LPA: variants seen among roughly 807,000 people sequenced by gnomAD.
LPA encodes apolipoprotein(a).
Under a neutral mutation model 197.9 loss-of-function variants are expected in LPA, and 199 were observed. The ratio of observed to expected loss-of-function variants is 1.01; its 90% CI spans 0.90 to 1.13. The LOEUF is 1.13. LPA is among the 50% of genes most tolerant of loss of function. The pLI, the probability that LPA is intolerant of heterozygous loss-of-function variation, is 0.00. For synonymous variants in LPA, 715 were observed against 639.5 expected, an observed-to-expected ratio of 1.12 and a Z score of -1.78; for missense variants, 1,853 against 1,785.8, an observed-to-expected ratio of 1.04 and a Z score of -0.68.
intron 28 of LPA, among the ~76,000 whole-genome samples, chr6:160,564,454 G>C (rs1416831396): frequency 6.6e-6 from 1 of 151,962 alleles, no homozygotes; most frequent in African/African-American, 2.4e-5. Context: ...CTTCAGTTTT[G>C]GAATTCAGAC....
At chr6:160,558,280 C>T (rs1479836244) in intron 28 of LPA, among the ~76,000 whole-genome samples, 1 of 152,054 alleles carries the variant, frequency 6.6e-6, no homozygotes, top group Non-Finnish European at 1.5e-5. Flanking sequence ...GTGTCTCTCT[C>T]TAGGACTCTG....
At chr6:160,611,131 T>G (rs1423406468) in intron 16 of LPA, among the ~76,000 whole-genome samples, 1 of 152,082 alleles carries the variant, frequency 6.6e-6, no homozygotes, top group East Asian at 1.9e-4. Flanking sequence ...AACAGATCAA[T>G]TCACCTGTCC....
intron 37 of LPA, among the ~76,000 whole-genome samples, chr6:160,537,112 A>G (rs932180805): frequency 2.0e-5 from 3 of 152,194 alleles, no homozygotes; most frequent in Non-Finnish European, 4.4e-5. Flanking sequence ...TGAGACTTTA[A>G]GACAGTTTCA....
chr6:160,602,901 C>T (rs868268653), intron 18 of LPA, among the ~76,000 whole-genome samples: 1 of 151,910 alleles, frequency 6.6e-6, no homozygotes, highest in Non-Finnish European at 1.5e-5. Context: ...CAAGACACAG[C>T]TCTTTTTCCT....
At chr6:160,578,910 T>C (rs191430133) in intron 26 of LPA, among the ~76,000 whole-genome samples, 1 of 152,316 alleles carries the variant, frequency 6.6e-6, no homozygotes, top group Admixed American at 6.5e-5. Context: ...TAATTTTTGT[T>C]TTAAAACATC....
chr6:160,567,537 A>C (rs1237305439), intron 28 of LPA, among the ~76,000 whole-genome samples: 1 of 152,236 alleles, frequency 6.6e-6, no homozygotes, highest in Non-Finnish European at 1.5e-5. Context: ...CCACAAGAGA[A>C]AGCAGGAAAG....
At chr6:160,544,941 G>C (rs41264862) in intron 33 of LPA, among the ~76,000 whole-genome samples, 40 of 152,254 alleles carry the variant, frequency 2.6e-4, no homozygotes, top group African/African-American at 9.1e-4. Context: ...AATCTTACGA[G>C]AAAGGCCATC....
rs1013887350 is a variant in LPA at position 160,560,379 on chromosome 6, T to C, written c.4632-2808A>G. On this transcript the variant is annotated intron_variant, in intron 28 of 38. Coordinates refer to ENST00000316300, the MANE Select transcript of LPA (RefSeq NM_005577.4). ...GGAATCACCGCACTGTCTTCCACAA[T>C]GGTTGAACTAATTTACACTCCCACC... 2.0e-5 allele frequency among the ~76,000 whole-genome samples: 3 copies of C among 152,234 alleles called. No homozygotes were observed. In the South Asian group the frequency reaches 6.2e-4, roughly 31 times the overall value.
At chr6:160,590,604 G>T (rs778170652) in intron 23 of LPA, among the ~76,000 whole-genome samples, 4 of 152,180 alleles carry the variant, frequency 2.6e-5, no homozygotes, top group South Asian at 2.1e-4. Context: ...ACCAGGAAAG[G>T]CTCATGATGA....
At chr6:160,607,199 G>C (rs1245386868) in intron 16 of LPA, among the ~76,000 whole-genome samples, 4 of 152,008 alleles carry the variant, frequency 2.6e-5, no homozygotes, top group Non-Finnish European at 5.9e-5. Flanking sequence ...CTCGCGAAAA[G>C]GCTCTACTTT....
chr6:160,599,381 G>T, intron 20 of LPA, 119 bp downstream of exon 20: 1 of 1,453,488 alleles, frequency 6.9e-7, no homozygotes, highest in Non-Finnish European at 9.6e-7. Flanking sequence ...TTGCTCACAG[G>T]AAATGTTCCT....
At chr6:160,553,952 T>TGTGTGTGTGTGTGC (rs1362760105) in intron 30 of LPA, among the ~76,000 whole-genome samples, 2 of 117,074 alleles carry the variant, frequency 1.7e-5, no homozygotes, top group African/African-American at 7.5e-5. Flanking sequence ...TGTGTGTGTG[T>TGTGTGTGTGTGTGC]GTGCGCGCGC....
At chr6:160,548,766 A>G in intron 30 of LPA, 107 bp from the exon 31 acceptor site, 1 of 1,152,750 alleles carries the variant, frequency 8.7e-7, no homozygotes, top group Non-Finnish European at 1.3e-6. Context: ...TGTCTTTGAA[A>G]TATTCCCATT....
chr6:160,584,252 CTCCTCCTCT>C lies in LPA; in HGVS notation c.4289+785_4289+793del, dbSNP rs1359930010. Among the ~76,000 whole-genome samples, 16 of 136,512 alleles carry C rather than the reference CTCCTCCTCT, an allele frequency of 1.2e-4. No individual in the cohort carries two copies. In the South Asian group the frequency reaches 2.0e-3, roughly 17 times the overall value. The allele number at this position is 136,512 out of a possible 152,430, so 89.6% of individuals were successfully genotyped here. A position where few individuals can be genotyped will look rare whatever the true frequency, so the allele number is the denominator to read the frequency against. ...CTTCTTCTTCTTCCTCCTCCTCCTCCTCCTCCTCTTCCTCTTCCTCTTCTTCTTCTTCTT... is the reference window on the plus strand; with the variant it reads ...CTTCTTCTTCTTCCTCCTCCTCCTCCTCCTCTTCCTCTTCTTCTTCTTCTT... On this transcript the variant is annotated intron_variant, in intron 26 of 38. Transcript: ENST00000316300.
At chr6:160,611,040 G>A (rs1447557935) in intron 16 of LPA, among the ~76,000 whole-genome samples, 1 of 151,994 alleles carries the variant, frequency 6.6e-6, no homozygotes, top group Non-Finnish European at 1.5e-5. Context: ...ATCTTCTCTT[G>A]CTGGGAACCT....
In LPA at chr6:160,600,974, C is replaced by T; in HGVS notation, c.3070G>A (p.Ala1024Thr). The change falls in exon 19 of 39, where the codon GCC (alanine) becomes ACC (threonine). Residue 1024 changes from alanine (A) to threonine (T), a missense_variant. Transcript: ENST00000316300. Reference sequence around the variant, plus strand: ...AGAATAACATTCGGAGGGACGAAGGCAGTCCATTCTGCATCTGAGCATCGT... The same window carrying T: ...AGAATAACATTCGGAGGGACGAAGGTAGTCCATTCTGCATCTGAGCATCGT... ...LTRCSDAEWT[A>T]FVPPNVILAP... 1 of 1,613,910 alleles carries T rather than the reference C, an allele frequency of 6.2e-7. No homozygotes were observed. The highest frequency in any genetic ancestry group is 8.5e-7 in the Non-Finnish European group (1 of 1,179,990).
At chr6:160,600,337 C>A (rs1249163862) in intron 19 of LPA, among the ~76,000 whole-genome samples, 2 of 152,138 alleles carry the variant, frequency 1.3e-5, no homozygotes, top group Non-Finnish European at 2.9e-5. Context: ...CAGAAAGAGG[C>A]AAAAGCACAC....
At chr6:160,542,944 T>C (rs1778005715) in intron 33 of LPA, 136 bp from the exon 34 acceptor site, 2 of 1,241,902 alleles carry the variant, frequency 1.6e-6, no homozygotes, top group East Asian at 2.4e-5. Flanking sequence ...TAAACACTCT[T>C]TAGATTTTTC....
At chr6:160,544,460 C>T (rs1205455744) in intron 33 of LPA, among the ~76,000 whole-genome samples, 1 of 152,138 alleles carries the variant, frequency 6.6e-6, no homozygotes, top group African/African-American at 2.4e-5. Flanking sequence ...TAGAATCTTT[C>T]CTATCACCCT....
Sources: gnomAD v4.1 joint callset for allele counts (sites outside exome capture counted in the v4.1 genomes callset) on GRCh38, gnomAD v4.1.1 for gene constraint, MANE v1.5 for transcripts, NCBI Gene and HGNC (gene_info 2026-07-23, HGNC 2026-07-21) for gene names.